CCDC148: variants seen among roughly 807,000 people sequenced by gnomAD.
CCDC148 encodes the protein coiled-coil domain-containing protein 148.
Under a neutral mutation model 85.7 loss-of-function variants are expected in CCDC148, and 89 were observed. The ratio of observed to expected loss-of-function variants is 1.04; its 90% CI spans 0.87 to 1.24. The LOEUF is 1.24. CCDC148 is among the 50% of genes most tolerant of loss of function. The pLI, the probability that CCDC148 is intolerant of heterozygous loss-of-function variation, is 0.00. For missense variants in CCDC148, 692 were observed against 671.7 expected, an observed-to-expected ratio of 1.03 and a Z score of -0.33; for synonymous variants, 230 against 213.9, an observed-to-expected ratio of 1.08 and a Z score of -0.66.
intron 1 of CCDC148, among the ~76,000 whole-genome samples, chr2:158,375,743 A>G (rs902624919): frequency 5.3e-5 from 8 of 152,132 alleles, no homozygotes; most frequent in Non-Finnish European, 1.0e-4. Flanking sequence ...TCAGGGCAAG[A>G]TATGTTTTCT....
At chr2:158,299,622 T>A (rs1476363804) in intron 9 of CCDC148, among the ~76,000 whole-genome samples, 3 of 152,234 alleles carry the variant, frequency 2.0e-5, no homozygotes, top group African/African-American at 7.2e-5. Context: ...CAAACATTTT[T>A]AAATCATTTT....
chr2:158,425,312 G>A, intron 1 of CCDC148: 1 of 528,800 alleles, frequency 1.9e-6, no homozygotes, highest in East Asian at 5.0e-5. Flanking sequence ...ACTAAAGGAG[G>A]ACATTGGAGA....
intron 9 of CCDC148, among the ~76,000 whole-genome samples, chr2:158,302,119 G>A (rs1574581072): frequency 6.6e-6 from 1 of 152,182 alleles, no homozygotes; most frequent in African/African-American, 2.4e-5. Flanking sequence ...ACTTTAGGGA[G>A]AAGGACCGAA....
chr2:158,290,237 G>A (rs938086515), intron 9 of CCDC148, among the ~76,000 whole-genome samples: 2 of 152,088 alleles, frequency 1.3e-5, no homozygotes, highest in East Asian at 1.9e-4. Context: ...GGAGGCTGGC[G>A]GTGGGAAGGA....
chr2:158,383,584 TTTAAG>T (rs1649578990), intron 1 of CCDC148, among the ~76,000 whole-genome samples: 1 of 152,164 alleles, frequency 6.6e-6, no homozygotes, highest in African/African-American at 2.4e-5. Context: ...CTTTTTAAAA[TTTAAG>T]TTATGTTTTT....
At chr2:158,189,304 G>A (rs541312553) in intron 11 of CCDC148, among the ~76,000 whole-genome samples, 5 of 151,912 alleles carry the variant, frequency 3.3e-5, no homozygotes, top group Admixed American at 3.3e-4. Context: ...TTTGAGTTAG[G>A]TTTTGTCAGT....
At chr2:158,433,091 A>AAATATATAT (rs1553521585) in intron 1 of CCDC148, among the ~76,000 whole-genome samples, 10 of 51,342 alleles carry the variant, frequency 1.9e-4, no homozygotes, top group South Asian at 1.0e-3. Flanking sequence ...AAAAAAAAAA[A>AAATATATAT]ATATATATAT....
At chr2:158,189,957 C>T (rs1026877818) in intron 11 of CCDC148, among the ~76,000 whole-genome samples, 1 of 151,908 alleles carries the variant, frequency 6.6e-6, no homozygotes, top group Admixed American at 6.6e-5. Flanking sequence ...GGAAAGCATT[C>T]TATTGAATAT....
intron 9 of CCDC148, among the ~76,000 whole-genome samples, chr2:158,276,132 G>C (rs1689930523): frequency 6.6e-6 from 1 of 152,066 alleles, no homozygotes; most frequent in African/African-American, 2.4e-5. Flanking sequence ...GAGTTTACTG[G>C]GTTTGCATTA....
intron 1 of CCDC148, among the ~76,000 whole-genome samples, chr2:158,388,231 C>T (rs1685169582): frequency 7.6e-6 from 1 of 130,726 alleles, no homozygotes; most frequent in South Asian, 2.2e-4. Flanking sequence ...TCAGTATTTT[C>T]TGAAGTCTTG....
At chr2:158,253,010 C>A (rs543264708) in intron 9 of CCDC148, among the ~76,000 whole-genome samples, 53 of 151,778 alleles carry the variant, frequency 3.5e-4, no homozygotes, top group Non-Finnish European at 6.5e-4. Context: ...AACCACAAGT[C>A]ACCAGGTAGT....
At chr2:158,260,540 G>T (rs542192210) in intron 9 of CCDC148, among the ~76,000 whole-genome samples, 1 of 151,986 alleles carries the variant, frequency 6.6e-6, no homozygotes, top group South Asian at 2.1e-4. Flanking sequence ...AGAAATAAAG[G>T]GCATCCAAAT....
intron 1 of CCDC148, among the ~76,000 whole-genome samples, chr2:158,396,226 T>G (rs2105301445): frequency 6.6e-6 from 1 of 152,276 alleles, no homozygotes; most frequent in East Asian, 1.9e-4. Context: ...TGAGAAATAT[T>G]ATATAAAATC....
chr2:158,219,129 T>C (rs1265300385), intron 11 of CCDC148, among the ~76,000 whole-genome samples: 1 of 152,204 alleles, frequency 6.6e-6, no homozygotes, highest in African/African-American at 2.4e-5. Context: ...TTATTTATTA[T>C]AGCGATTTTA....
intron 9 of CCDC148, among the ~76,000 whole-genome samples, chr2:158,251,736 T>C (rs1688802406): frequency 6.6e-6 from 1 of 151,772 alleles, no homozygotes; most frequent in Non-Finnish European, 1.5e-5. Flanking sequence ...ATAGAAAATA[T>C]CCACGACATA....
intron 1 of CCDC148, among the ~76,000 whole-genome samples, chr2:158,440,071 G>A (rs1424408338): frequency 6.6e-6 from 1 of 151,494 alleles, no homozygotes; most frequent in Admixed American, 6.6e-5. Flanking sequence ...GTCTCACTAT[G>A]TTGCCCTGGC....
intron 1 of CCDC148, among the ~76,000 whole-genome samples, chr2:158,449,871 C>T (rs376231935): frequency 1.8e-4 from 27 of 152,304 alleles, no homozygotes; most frequent in African/African-American, 6.3e-4. Context: ...TGTTGGTATT[C>T]ATAGATGCAC....
At chr2:158,348,065 G>C (rs1347485073) in intron 2 of CCDC148, among the ~76,000 whole-genome samples, 6 of 152,074 alleles carry the variant, frequency 3.9e-5, no homozygotes, top group African/African-American at 1.2e-4. Flanking sequence ...GGAATTTGGA[G>C]ATGCATCACA....
At position 158,375,386 on chromosome 2, in the gene CCDC148, C is replaced by A. The variant is rs113259801; in HGVS notation, c.26-16816G>T. On this transcript the variant is annotated intron_variant, in intron 1 of 13. Transcript: ENST00000283233. ...AATGATTCAAAACACAGCTTTTCTT[C>A]TGATTAATGGTCACAAATGCATTGT... Among the ~76,000 whole-genome samples, 390 of 152,188 alleles carry A rather than the reference C, an allele frequency of 2.6e-3. 1 individual carries two copies. Among genetic ancestry groups the A allele is most frequent in the African/African-American group, 8.7e-3 (363 of 41,548 alleles).
Sources: gnomAD v4.1 joint callset for allele counts (sites outside exome capture counted in the v4.1 genomes callset) on GRCh38, gnomAD v4.1.1 for gene constraint, MANE v1.5 for transcripts, NCBI Gene and HGNC (gene_info 2026-07-23, HGNC 2026-07-21) for gene names.